FBXL18: variants seen among roughly 807,000 people sequenced by gnomAD.
FBXL18 encodes F-box and leucine rich repeat protein 18.
Under a neutral mutation model 46.0 loss-of-function variants are expected in FBXL18, and 36 were observed. The observed-to-expected ratio is 0.78, with a 90% CI of 0.60 to 1.03. FBXL18 has a LOEUF of 1.03. Among genes scored for constraint, FBXL18 ranks in the 50% least tolerant of loss-of-function variants. The pLI, the probability that FBXL18 is intolerant of heterozygous loss-of-function variation, is 0.00. For missense variants in FBXL18, 977 were observed against 1,004.1 expected (o/e 0.97, Z 0.36); for synonymous variants, 557 against 465.3 (o/e 1.20, Z -2.54).
intron 2 of FBXL18, among the ~76,000 whole-genome samples, chr7:5,504,903 G>A (rs578238458): frequency 7.9e-5 from 6 of 76,080 alleles, no homozygotes; most frequent in Non-Finnish European, 1.1e-4. Flanking sequence ...GCAAAAGAAC[G>A]AGACTCCATC....
At chr7:5,488,549 G>A (rs552377329) in intron 4 of FBXL18, among the ~76,000 whole-genome samples, 1 of 152,170 alleles carries the variant, frequency 6.6e-6, no homozygotes, top group Non-Finnish European at 1.5e-5. Flanking sequence ...AGACCGTCCC[G>A]CATGGGATGG....
chr7:5,466,166 AT>A (rs1783338071), intron 4 of FBXL18, among the ~76,000 whole-genome samples: 1 of 151,426 alleles, frequency 6.6e-6, no homozygotes, highest in Admixed American at 6.6e-5. Flanking sequence ...ACATCAGAGA[AT>A]TTAAAAAAAA....
In FBXL18 at chr7:5,489,923, C is replaced by A. The variant is rs143917669; in HGVS notation, c.2000+1308G>T. On this transcript the variant is annotated intron_variant, in intron 4 of 4. Coordinates refer to ENST00000382368, the MANE Select transcript of FBXL18 (RefSeq NM_024963.6). ...TCCCGCCACTGCACTCCAGCCTGGA[C>A]GACAGAGTGAGACTCTGTCTCAAAC... The A allele has an allele frequency of 2.9e-3, 3,378 of 1,169,892 alleles. 100 individuals carry two copies. The African/African-American group carries it at 0.049, about 17-fold the overall frequency. 72.5% of individuals were successfully genotyped at this position (1,169,892 alleles called of 1,614,324 possible). A position where few individuals can be genotyped will look rare whatever the true frequency, so the allele number is the denominator to read the frequency against.
intron 4 of FBXL18, among the ~76,000 whole-genome samples, chr7:5,460,033 A>G (rs1415560006): frequency 6.6e-6 from 1 of 151,988 alleles, no homozygotes; most frequent in Non-Finnish European, 1.5e-5. Context: ...GCTGAGGCGG[A>G]AGGCTTGCTT....
Position 5,501,992 on chromosome 7 carries a change from C to T in FBXL18, c.277G>A (p.Gly93Ser). 1.9e-6 allele frequency: 3 copies of T among 1,606,344 alleles called. No homozygotes were observed. Among genetic ancestry groups the T allele is most frequent in the Non-Finnish European group, 1.7e-6 (2 of 1,176,964 alleles). The change falls in exon 3 of 5, where the codon GGC (glycine) becomes AGC (serine). Residue 93 changes from glycine to serine, a missense_variant. By Grantham distance (56) the Gly-to-Ser change is moderately conservative. Coordinates refer to ENST00000382368, the MANE Select transcript of FBXL18 (RefSeq NM_024963.6). ...DKVRQLVKEI[G>S]REIQQLSMAG... ...ATGCTCAGCTGCTGGATCTCCCGGC[C>T]GATCTCCTTCACCAGCTGCCTCACT...
intron 1 of FBXL18, among the ~76,000 whole-genome samples, chr7:5,508,425 GA>G (rs1014122499): frequency 5.5e-5 from 8 of 146,354 alleles, no homozygotes; most frequent in Admixed American, 4.9e-4. Flanking sequence ...CTGGGCAACA[GA>G]GCGAGACTTT....
At chr7:5,498,947 A>T (rs539317497) in intron 3 of FBXL18, among the ~76,000 whole-genome samples, 34 of 152,326 alleles carry the variant, frequency 2.2e-4, no homozygotes, top group African/African-American at 7.9e-4. Context: ...ACGAATTCTT[A>T]TTCCTTAAAT....
At chr7:5,492,607 G>T (rs1783959133) in intron 3 of FBXL18, among the ~76,000 whole-genome samples, 1 of 152,096 alleles carries the variant, frequency 6.6e-6, no homozygotes, top group Non-Finnish European at 1.5e-5. Flanking sequence ...TTATTTGGAG[G>T]CAGGTTTGTT....
chr7:5,493,707 G>T (rs1012422596), intron 3 of FBXL18, among the ~76,000 whole-genome samples: 3 of 151,080 alleles, frequency 2.0e-5, no homozygotes, highest in Non-Finnish European at 4.4e-5. Flanking sequence ...GGAGACAGGG[G>T]TCTCACTATG....
chr7:5,456,241 C>G (rs546271349), intron 4 of FBXL18, among the ~76,000 whole-genome samples: 3 of 152,224 alleles, frequency 2.0e-5, no homozygotes, highest in Non-Finnish European at 4.4e-5. Flanking sequence ...CATCTGCTCT[C>G]TCGGGACAGT....
chr7:5,497,796 C>T (rs1027897825), intron 3 of FBXL18, among the ~76,000 whole-genome samples: 9 of 152,204 alleles, frequency 5.9e-5, no homozygotes, highest in African/African-American at 2.2e-4. Context: ...AGGCTGCAAT[C>T]GCAGCAGATT....
chr7:5,484,914 C>T (rs947987307), intron 4 of FBXL18, among the ~76,000 whole-genome samples: 1 of 152,104 alleles, frequency 6.6e-6, no homozygotes, highest in Non-Finnish European at 1.5e-5. Flanking sequence ...GCTGGGATTA[C>T]AGGTGTGAGC....
Position 5,500,562 on chromosome 7 carries a change from G to A in FBXL18, c.1707C>T (p.Gly569=), listed in dbSNP as rs75092263. ...GCATGTACACCACCTTCCCCATCAT[G>A]CCCAGGTTGGCCAGCGACAGGGACC... ...QLRSLSLANL[G]MMGKVVYMPA... Residue 569 remains glycine (G), a synonymous_variant, in exon 3 of 5, where the codon GGC becomes GGT. Coordinates refer to ENST00000382368, the MANE Select transcript of FBXL18 (RefSeq NM_024963.6). The A allele has an allele frequency of 3.6e-4, 576 of 1,613,582 alleles. 3 individuals carry two copies. The African/African-American group carries it at 7.0e-3, about 20-fold the overall frequency.
intron 4 of FBXL18, among the ~76,000 whole-genome samples, chr7:5,487,700 G>C (rs1345781192): frequency 6.6e-6 from 1 of 152,250 alleles, no homozygotes; most frequent in Non-Finnish European, 1.5e-5. Context: ...CTGGAGCAGA[G>C]AGAGGCACCA....
In FBXL18 at chr7:5,505,543, G is replaced by C; in HGVS notation, c.106C>G (p.Leu36Val). 1 of 1,614,132 alleles carries C rather than the reference G, an allele frequency of 6.2e-7. No individual in the cohort carries two copies. The highest frequency in any genetic ancestry group is 8.5e-7 in the Non-Finnish European group (1 of 1,180,018). ...VHLLGFSDEI[L>V]LHILSHVPST... is the part of the protein sequence containing the mutation. The stretch of plus-strand genomic sequence containing the variant: ...GGGACGTGACTCAGGATGTGAAGGA[G>C]GATCTCATCAGAGAACCCTAGGAGG... Residue 36 changes from leucine to valine, a missense_variant, in exon 2 of 5, where the codon CTC becomes GTC. Transcript: ENST00000382368.
intron 4 of FBXL18, among the ~76,000 whole-genome samples, chr7:5,470,587 C>A (rs1562675913): frequency 6.6e-6 from 1 of 152,278 alleles, no homozygotes; most frequent in East Asian, 1.9e-4. Context: ...GGCCAGCCTT[C>A]CACAGGGCAG....
intron 4 of FBXL18, among the ~76,000 whole-genome samples, chr7:5,490,630 A>G (rs1205794343): frequency 6.6e-6 from 1 of 152,232 alleles, no homozygotes; most frequent in African/African-American, 2.4e-5. Flanking sequence ...CACTGCTTCT[A>G]GATCCAAACA....
At chr7:5,467,634 C>G (rs1471663093) in intron 4 of FBXL18, among the ~76,000 whole-genome samples, 1 of 152,100 alleles carries the variant, frequency 6.6e-6, no homozygotes, top group Non-Finnish European at 1.5e-5. Context: ...TTTCGAGGGC[C>G]AGATCACGCC....
chr7:5,512,200 A>C (rs111279029), intron 1 of FBXL18, among the ~76,000 whole-genome samples: 1 of 148,912 alleles, frequency 6.7e-6, no homozygotes, highest in Non-Finnish European at 1.5e-5. Context: ...AGCCGAGATC[A>C]CGCCACTGCA....
Sources: allele counts gnomAD v4.1 joint callset (sites outside exome capture counted in the v4.1 genomes callset), GRCh38; gene constraint gnomAD v4.1.1; transcripts MANE v1.5; gene names NCBI Gene and HGNC (gene_info 2026-07-23, HGNC 2026-07-21).